Variants in TENM2 observed in about 807,000 individuals in gnomAD.
TENM2 encodes teneurin transmembrane protein 2, also known as teneurin-2.
In TENM2, 52 loss-of-function variants were observed where a neutral mutation model predicts 245.2. That is an observed-to-expected ratio of 0.21 (90% confidence interval 0.17 to 0.27). The LOEUF (loss-of-function observed/expected upper bound fraction) is 0.27. Among genes scored for constraint, TENM2 ranks in the 10% least tolerant of loss-of-function variants. The probability of loss-of-function intolerance (pLI) is 1.00; values close to 1 mark genes in which losing one functional copy is unlikely to be tolerated. For missense variants in TENM2, 3,046 were observed against 3,666.8 expected, an observed-to-expected ratio of 0.83 and a Z score of 4.37; for synonymous variants, 1,363 against 1,438.9, an observed-to-expected ratio of 0.95 and a Z score of 1.19.
rs185551909 is a variant in TENM2 at position 167,304,306 on chromosome 5, T to G, written c.226+19243T>G. ...GCTAACTGTATAACTCTTCCTTGTGTTGGCTTTCCCTTTCCTTGTCTCTGC... is the reference window on the plus strand; with the variant it reads ...GCTAACTGTATAACTCTTCCTTGTGGTGGCTTTCCCTTTCCTTGTCTCTGC... On this transcript the variant is annotated intron_variant, in intron 1 of 28. Coordinates refer to ENST00000518659, the Ensembl canonical transcript of TENM2. Among the ~76,000 whole-genome samples the G allele has an allele frequency of 4.6e-4, 70 of 152,336 alleles. No homozygotes were observed. In the East Asian group the frequency reaches 4.8e-3, roughly 11 times the overall value.
chr5:167,247,875 G>A, the TENM2 span, among the ~76,000 whole-genome samples: 17 of 151,980 alleles, frequency 1.1e-4, no homozygotes, highest in African/African-American at 1.7e-4. Context: ...TATTTGATAC[G>A]CTTCTAAATG....
the TENM2 span, among the ~76,000 whole-genome samples, chr5:167,245,512 TTC>T: frequency 5.0e-4 from 75 of 151,438 alleles, no homozygotes; most frequent in African/African-American, 1.7e-3. Flanking sequence ...CCTTTTCTTT[TTC>T]TTTTTTTTAA....
In TENM2 at chr5:168,260,271, T is replaced by C; in HGVS notation, c.7433-12T>C. The C allele has an allele frequency of 6.2e-7, 1 of 1,613,722 alleles. No individual in the cohort carries two copies. Among genetic ancestry groups the C allele is most frequent in the Non-Finnish European group, 8.5e-7 (1 of 1,179,770 alleles). ...TGATTTCAGAAACCTTTATTTTTGT[T>C]TTCCACCATAGATGTGAAAAGCTGG... On this transcript the variant is annotated splice_polypyrimidine_tract_variant and intron_variant, in intron 27 of 28. Coordinates refer to ENST00000518659, the Ensembl canonical transcript of TENM2.
intron 2 of TENM2, among the ~76,000 whole-genome samples, chr5:167,758,684 C>A (rs1012671051): frequency 6.6e-6 from 1 of 152,082 alleles, no homozygotes; most frequent in Non-Finnish European, 1.5e-5. Flanking sequence ...ACATTCTGTA[C>A]ATGGAAACAT....
chr5:167,194,624 C>T, the TENM2 span, among the ~76,000 whole-genome samples: 5 of 152,050 alleles, frequency 3.3e-5, no homozygotes, highest in East Asian at 9.7e-4. Context: ...TGAGAAGGAA[C>T]AGGGGGTTGG....
At chr5:167,468,140 C>T (rs1418957806) in intron 2 of TENM2, among the ~76,000 whole-genome samples, 2 of 151,994 alleles carry the variant, frequency 1.3e-5, no homozygotes, top group Non-Finnish European at 2.9e-5. Context: ...TTTCACCATG[C>T]TGTCCAGGCT....
chr5:167,814,702 A>T (rs567688572), intron 2 of TENM2, among the ~76,000 whole-genome samples: 1 of 151,502 alleles, frequency 6.6e-6, no homozygotes, highest in Non-Finnish European at 1.5e-5. Flanking sequence ...ATATATAGAT[A>T]TCTATATAAA....
At chr5:168,025,195 T>C (rs1786494646) in intron 5 of TENM2, among the ~76,000 whole-genome samples, 1 of 152,232 alleles carries the variant, frequency 6.6e-6, no homozygotes, top group South Asian at 2.1e-4. Flanking sequence ...GGAGGTTCTG[T>C]TTTGCATAAA....
intron 12 of TENM2, among the ~76,000 whole-genome samples, chr5:168,144,344 C>CA (rs1415853606): frequency 6.6e-6 from 1 of 151,622 alleles, no homozygotes; most frequent in Non-Finnish European, 1.5e-5. Context: ...CCCCACCCCA[C>CA]AACAGTCCCC....
chr5:167,926,718 CCACACACACACACACACACA>C lies in TENM2; in HGVS notation c.713-25843_713-25824del, dbSNP rs750351497. ...GCCTGGGTGACAGAGTGAGATTCCA[CCACACACACACACACACACA>C]CACACACACACACACACACACACAC... On this transcript the variant is annotated intron_variant, in intron 3 of 28. Transcript: ENST00000518659. 3.7e-3 allele frequency among the ~76,000 whole-genome samples: 509 copies of C among 136,808 alleles called. 2 individuals carry two copies. The highest frequency in any genetic ancestry group is 0.013 in the African/African-American group (479 of 37,398). The allele number at this position is 136,808 out of a possible 152,430, so 89.8% of individuals were successfully genotyped here.
intron 14 of TENM2, among the ~76,000 whole-genome samples, chr5:168,191,092 C>T (rs1009092799): frequency 2.6e-5 from 4 of 152,172 alleles, no homozygotes; most frequent in African/African-American, 9.7e-5. Flanking sequence ...ATTGCCTCTC[C>T]TGATTACCTA....
intron 1 of TENM2, among the ~76,000 whole-genome samples, chr5:167,374,467 G>C (rs961926241): frequency 6.6e-5 from 10 of 152,086 alleles, no homozygotes; most frequent in South Asian, 4.1e-4. Flanking sequence ...AAAACGACTA[G>C]TTTGGCACAT....
chr5:167,865,813 G>C (rs987928316), intron 2 of TENM2, among the ~76,000 whole-genome samples: 1 of 152,164 alleles, frequency 6.6e-6, no homozygotes, highest in Admixed American at 6.5e-5. Flanking sequence ...ACTCTTCTTA[G>C]CAAGATACTT....
At chr5:167,269,425 A>G in the TENM2 span, among the ~76,000 whole-genome samples, 3 of 152,214 alleles carry the variant, frequency 2.0e-5, no homozygotes, top group Admixed American at 2.0e-4. Flanking sequence ...TCTTGTTATC[A>G]TCCGTTTCTG....
chr5:167,411,451 T>C lies in TENM2; in HGVS notation c.502+35978T>C, dbSNP rs927439084. Among the ~76,000 whole-genome samples, 8 of 151,994 alleles carry C rather than the reference T, an allele frequency of 5.3e-5. 1 individual carries two copies. Among genetic ancestry groups the C allele is most frequent in the African/African-American group, 1.5e-4 (6 of 41,378 alleles). On this transcript the variant is annotated intron_variant, in intron 2 of 28. Coordinates refer to ENST00000518659, the Ensembl canonical transcript of TENM2. ...ACGCTGAGTCTTTAACTGAAAGAGATGGCGTATCATTGTTAGAAGAGAGAC... is the reference window on the plus strand; with the variant it reads ...ACGCTGAGTCTTTAACTGAAAGAGACGGCGTATCATTGTTAGAAGAGAGAC...
intron 2 of TENM2, among the ~76,000 whole-genome samples, chr5:167,403,157 T>C (rs1411233718): frequency 1.5e-5 from 2 of 136,506 alleles, no homozygotes; most frequent in Non-Finnish European, 3.1e-5. Flanking sequence ...GTGTGTGTGA[T>C]AGTTATTATT....
At chr5:167,217,211 C>A in the TENM2 span, among the ~76,000 whole-genome samples, 555 of 152,166 alleles carry the variant, frequency 3.6e-3, 5 homozygotes, top group African/African-American at 0.013. Context: ...ATTATACCTT[C>A]TGATTGTGTG....
At chr5:168,124,546 T>C (rs1359620192) in intron 10 of TENM2, among the ~76,000 whole-genome samples, 1 of 152,230 alleles carries the variant, frequency 6.6e-6, no homozygotes, top group Non-Finnish European at 1.5e-5. Flanking sequence ...AAGCACAAGA[T>C]ACTAAAGGTG....
chr5:167,280,839 A>G (rs1348787895), upstream of TENM2, among the ~76,000 whole-genome samples: 1 of 151,200 alleles, frequency 6.6e-6, no homozygotes, highest in Non-Finnish European at 1.5e-5. Context: ...TGCCATATAT[A>G]TGGCAAAAAG....
Sources: allele counts gnomAD v4.1 joint callset (sites outside exome capture counted in the v4.1 genomes callset), GRCh38; gene constraint gnomAD v4.1.1; transcripts MANE v1.5; gene names NCBI Gene and HGNC (gene_info 2026-07-23, HGNC 2026-07-21).